SLC2A9: variants seen among roughly 807,000 people sequenced by gnomAD.
SLC2A9 encodes solute carrier family 2 member 9.
SLC2A9 carries 39 observed loss-of-function variants against 50.6 expected under a neutral mutation model. The observed-to-expected ratio is 0.77, with a 90% CI of 0.60 to 1.01. SLC2A9 has a LOEUF of 1.01. SLC2A9 is among the 50% of genes least tolerant of loss of function. The probability of loss-of-function intolerance (pLI) is 0.00; values close to 1 mark genes in which losing one functional copy is unlikely to be tolerated. For missense variants in SLC2A9, 686 were observed against 677.6 expected (o/e 1.01, Z -0.14); for synonymous variants, 324 against 276.9 (o/e 1.17, Z -1.69).
At chr4:9,937,015 G>C (rs1166709822) in intron 6 of SLC2A9, among the ~76,000 whole-genome samples, 2 of 152,146 alleles carry the variant, frequency 1.3e-5, no homozygotes, top group African/African-American at 2.4e-5. Flanking sequence ...CTGTGCTGTG[G>C]AATTGAAGGT....
chr4:9,779,483 C>T (rs573168282), downstream of SLC2A9, among the ~76,000 whole-genome samples: 1 of 148,680 alleles, frequency 6.7e-6, no homozygotes, highest in Non-Finnish European at 1.5e-5. Flanking sequence ...GGTGTGATCT[C>T]GGCTCACTGC....
At chr4:9,902,747 G>A (rs531629265) in intron 8 of SLC2A9, among the ~76,000 whole-genome samples, 1 of 152,190 alleles carries the variant, frequency 6.6e-6, no homozygotes, top group East Asian at 1.9e-4. Flanking sequence ...AAGGACAGTC[G>A]TATTGGATTA....
chr4:9,848,224 T>C (rs553559322), intron 10 of SLC2A9, among the ~76,000 whole-genome samples: 2 of 152,204 alleles, frequency 1.3e-5, no homozygotes, highest in Non-Finnish European at 2.9e-5. Flanking sequence ...GTAATTTACT[T>C]CACATGAGCT....
downstream of SLC2A9, among the ~76,000 whole-genome samples, chr4:9,794,311 C>G (rs576962005): frequency 1.8e-4 from 27 of 152,174 alleles, no homozygotes; most frequent in Non-Finnish European, 3.5e-4. Context: ...CCCACCACCA[C>G]GCCCGGCTAA....
At chr4:9,978,255 C>G (rs944803536) in intron 5 of SLC2A9, among the ~76,000 whole-genome samples, 1 of 152,148 alleles carries the variant, frequency 6.6e-6, no homozygotes, top group African/African-American at 2.4e-5. Flanking sequence ...GTGCTCAAAG[C>G]TGTAGCTCCA....
downstream of SLC2A9, among the ~76,000 whole-genome samples, chr4:9,823,634 T>C (rs116839773): frequency 1.3e-5 from 2 of 152,166 alleles, no homozygotes; most frequent in African/African-American, 4.8e-5. Flanking sequence ...TAGAAAGTAA[T>C]ACAATATTAA....
At chr4:9,931,950 C>CCA (rs1242400285) in intron 6 of SLC2A9, among the ~76,000 whole-genome samples, 1 of 58,658 alleles carries the variant, frequency 1.7e-5, no homozygotes, top group African/African-American at 1.1e-4. Flanking sequence ...CTCTCTCTCT[C>CCA]TCTCTCTCTC....
chr4:9,825,056 G>T (rs1393294138), downstream of SLC2A9, among the ~76,000 whole-genome samples: 1 of 152,172 alleles, frequency 6.6e-6, no homozygotes, highest in Non-Finnish European at 1.5e-5. Context: ...AGGGATTATG[G>T]CCAAAAGGAT....
At chr4:9,976,078 A>C (rs951055267) in intron 5 of SLC2A9, among the ~76,000 whole-genome samples, 1 of 152,232 alleles carries the variant, frequency 6.6e-6, no homozygotes, top group African/African-American at 2.4e-5. Context: ...TGGCAACACT[A>C]GACACTGGAG....
At chr4:9,967,689 G>A (rs1487546295) in intron 5 of SLC2A9, among the ~76,000 whole-genome samples, 1 of 151,760 alleles carries the variant, frequency 6.6e-6, no homozygotes, top group Non-Finnish European at 1.5e-5. Context: ...TATAAAGAAA[G>A]TTATGGGAAT....
intron 3 of SLC2A9, among the ~76,000 whole-genome samples, chr4:9,814,201 A>T (rs11724234): frequency 0.17 from 25,627 of 152,138 alleles, 2,161 homozygotes; most frequent in Admixed American, 0.2. Context: ...GACATTCTAC[A>T]CAGAGGAAAC....
intron 5 of SLC2A9, among the ~76,000 whole-genome samples, chr4:9,974,051 T>C (rs146897045): frequency 3.3e-5 from 5 of 152,164 alleles, no homozygotes; most frequent in African/African-American, 9.6e-5. Context: ...TTCACCACAA[T>C]AGATGCAGAA....
At chr4:9,886,005 C>T (rs1736130244) in intron 10 of SLC2A9, among the ~76,000 whole-genome samples, 1 of 152,176 alleles carries the variant, frequency 6.6e-6, no homozygotes, top group African/African-American at 2.4e-5. Context: ...GTGAACAATG[C>T]TATGATGGGT....
At chr4:9,839,693 G>A (rs146869234) in intron 10 of SLC2A9, among the ~76,000 whole-genome samples, 2,572 of 152,254 alleles carry the variant, frequency 0.017, 78 homozygotes, top group Admixed American at 0.071. Context: ...GGATGGAACT[G>A]GAGGCCATTA....
At chr4:9,916,721 C>CTCTT (rs1742907186) in intron 7 of SLC2A9, among the ~76,000 whole-genome samples, 1 of 152,174 alleles carries the variant, frequency 6.6e-6, no homozygotes, top group Non-Finnish European at 1.5e-5. Context: ...AAGGAAGGGT[C>CTCTT]ATCCCAAGTA....
intron 6 of SLC2A9, among the ~76,000 whole-genome samples, chr4:9,927,339 C>A (rs545588777): frequency 1.3e-5 from 2 of 152,212 alleles, no homozygotes; most frequent in Non-Finnish European, 2.9e-5. Flanking sequence ...TTGTAAGCCA[C>A]TAACTCATGG....
chr4:9,803,459 G>A (rs1277954098), intron 3 of SLC2A9, among the ~76,000 whole-genome samples: 1 of 152,180 alleles, frequency 6.6e-6, no homozygotes, highest in African/African-American at 2.4e-5. Flanking sequence ...TTTTACAGAT[G>A]AGAAACTGAG....
At chr4:9,865,779 G>A (rs924094493) in intron 10 of SLC2A9, among the ~76,000 whole-genome samples, 2 of 152,074 alleles carry the variant, frequency 1.3e-5, no homozygotes, top group African/African-American at 4.8e-5. Flanking sequence ...CATAAAGGAA[G>A]GGAGTGGGCA....
At chr4:10,019,247 C>T in intron 1 of SLC2A9, 174 bp from the exon 2 acceptor site, 1 of 613,960 alleles carries the variant, frequency 1.6e-6, no homozygotes, top group Non-Finnish European at 2.9e-6. Flanking sequence ...AGTAGGGTTC[C>T]AGTCCAGGTC....
Sources: allele counts gnomAD v4.1 joint callset (sites outside exome capture counted in the v4.1 genomes callset), GRCh38; gene constraint gnomAD v4.1.1; transcripts MANE v1.5; gene names NCBI Gene and HGNC (gene_info 2026-07-23, HGNC 2026-07-21).